Variants in PCDH15 observed in about 807,000 individuals in gnomAD.
PCDH15 encodes the protein protocadherin-15.
Under a neutral mutation model 178.5 loss-of-function variants are expected in PCDH15, and 129 were observed. That is an observed-to-expected ratio of 0.72 (90% CI 0.63 to 0.84). The LOEUF (loss-of-function observed/expected upper bound fraction) is 0.84. Ranked by LOEUF, PCDH15 falls within the 40% of genes least tolerant of loss-of-function variation. PCDH15 has a pLI of 0.00. For missense variants in PCDH15, 2,230 were observed against 2,099.9 expected (o/e 1.06, Z -1.21); for synonymous variants, 800 against 732.0 (o/e 1.09, Z -1.50).
intron 26 of PCDH15, among the ~76,000 whole-genome samples, chr10:53,876,020 A>C (rs2080201514): frequency 6.6e-6 from 1 of 152,160 alleles, no homozygotes; most frequent in African/African-American, 2.4e-5. Context: ...ACGGTATTGA[A>C]GGCTCACTTA....
rs1277903998 is a variant in PCDH15, at chr10:54,733,041, A to G, written c.-29+67884T>C. ...AACCTGATAGAGTTTGTCTACGAAA[A>G]CGTACAGCTAACATTATAATGGCGA... is the stretch of plus-strand genomic sequence containing the variant. On this transcript the variant is annotated intron_variant, in intron 1 of 37. Coordinates refer to ENST00000644397, the MANE Select transcript of PCDH15 (RefSeq NM_001384140.1). Among the ~76,000 whole-genome samples, 3 of 151,578 alleles carry G rather than the reference A, an allele frequency of 2.0e-5. No individual in the cohort carries two copies. In the Admixed American group the frequency reaches 2.0e-4, roughly 10 times the overall value.
At chr10:54,231,354 C>A (rs4542313) in intron 9 of PCDH15, among the ~76,000 whole-genome samples, 89,428 of 152,130 alleles carry the variant, frequency 0.59, 28,441 homozygotes, top group Middle Eastern at 0.72. Flanking sequence ...ACACAGAGGG[C>A]AATGGTTGAG....
chr10:54,296,093 C>T (rs1257050217), intron 8 of PCDH15, among the ~76,000 whole-genome samples: 18 of 136,092 alleles, frequency 1.3e-4, no homozygotes, highest in African/African-American at 4.6e-4. Flanking sequence ...TGCAGGGAGC[C>T]GAGATCCCGC....
intron 8 of PCDH15, among the ~76,000 whole-genome samples, chr10:54,261,538 G>T (rs1247032606): frequency 5.9e-5 from 9 of 152,044 alleles, no homozygotes; most frequent in African/African-American, 2.2e-4. Context: ...TGGGTGTAGT[G>T]GATGCAAGTA....
intron 2 of PCDH15, among the ~76,000 whole-genome samples, chr10:55,137,641 T>A (rs1838233103): frequency 6.6e-6 from 1 of 151,940 alleles, no homozygotes; most frequent in African/African-American, 2.4e-5. Context: ...TTGAAACAGG[T>A]CAAATATTGT....
intron 3 of PCDH15, among the ~76,000 whole-genome samples, chr10:54,474,644 G>A (rs1589604032): frequency 6.6e-6 from 1 of 151,942 alleles, no homozygotes; most frequent in African/African-American, 2.4e-5. Context: ...GTTAATGGAC[G>A]AAGTATAATC....
chr10:55,248,158 T>C (rs1259393611), intron 1 of PCDH15, among the ~76,000 whole-genome samples: 1 of 151,774 alleles, frequency 6.6e-6, no homozygotes, highest in Non-Finnish European at 1.5e-5. Context: ...ATTTTTTACA[T>C]AGAGGTAGAA....
chr10:55,290,809 T>TA (rs1260191718), intron 1 of PCDH15, among the ~76,000 whole-genome samples: 1 of 151,568 alleles, frequency 6.6e-6, no homozygotes, highest in Non-Finnish European at 1.5e-5. Context: ...TAATGGGAAA[T>TA]AAAATTAGAA....
At chr10:55,089,285 G>T (rs980799084) in intron 2 of PCDH15, among the ~76,000 whole-genome samples, 1 of 152,132 alleles carries the variant, frequency 6.6e-6, no homozygotes, top group Non-Finnish European at 1.5e-5. Flanking sequence ...AAGGGTAAAA[G>T]AAGCAGTCAC....
intron 2 of PCDH15, among the ~76,000 whole-genome samples, chr10:55,510,818 T>TTATATA (rs888448229): frequency 1.3e-5 from 2 of 149,526 alleles, no homozygotes; most frequent in African/African-American, 4.9e-5. Flanking sequence ...TTCATTTATT[T>TTATATA]TATATATATA....
intron 3 of PCDH15, among the ~76,000 whole-genome samples, chr10:54,453,274 G>A (rs1032330820): frequency 8.5e-5 from 13 of 152,100 alleles, no homozygotes; most frequent in Non-Finnish European, 1.8e-4. Flanking sequence ...AACAATGATA[G>A]ACTGGATGAA....
intron 2 of PCDH15, among the ~76,000 whole-genome samples, chr10:55,088,042 A>C (rs1468909994): frequency 6.6e-6 from 1 of 152,106 alleles, no homozygotes; most frequent in African/African-American, 2.4e-5. Flanking sequence ...TACACGATTA[A>C]ATGCTTTATG....
chr10:54,515,987 A>T (rs2082172597), intron 3 of PCDH15, among the ~76,000 whole-genome samples: 1 of 152,180 alleles, frequency 6.6e-6, no homozygotes, highest in South Asian at 2.1e-4. Context: ...CACACCAAAA[A>T]TCCATCCGTA....
chr10:55,343,536 C>T (rs1483714311), intron 2 of PCDH15, among the ~76,000 whole-genome samples: 1 of 151,554 alleles, frequency 6.6e-6, no homozygotes, highest in Non-Finnish European at 1.5e-5. Flanking sequence ...CATAATCTTC[C>T]TTTTCCCCCC....
chr10:54,699,686 T>C (rs2095282030), intron 1 of PCDH15, among the ~76,000 whole-genome samples: 1 of 152,046 alleles, frequency 6.6e-6, no homozygotes, highest in African/African-American at 2.4e-5. Flanking sequence ...TAATTTTACC[T>C]AATATTCCTT....
Position 54,317,323 on chromosome 10 carries a change from C to A in PCDH15, c.824G>T (p.Arg275Leu). The change falls in exon 8 of 38, where the codon CGT becomes CTT. Residue 275 changes from arginine to leucine, a missense_variant. Coordinates refer to ENST00000644397, the MANE Select transcript of PCDH15 (RefSeq NM_001384140.1). ...FLPCVLVPNT[R>L]DCRPLTYQAA... is the part of the protein sequence containing the mutation. ...TTGATAAGTGAGTGGACGGCAATCACGAGTGTTTGGCACAAGGACACAAGG... is the reference window on the plus strand; with the variant it reads ...TTGATAAGTGAGTGGACGGCAATCAAGAGTGTTTGGCACAAGGACACAAGG... 1 of 1,613,926 alleles carries A rather than the reference C, an allele frequency of 6.2e-7. No homozygotes were observed. Among genetic ancestry groups the A allele is most frequent in the Non-Finnish European group, 8.5e-7 (1 of 1,179,912 alleles).
At chr10:54,201,311 T>C (rs2050208428) in intron 10 of PCDH15, among the ~76,000 whole-genome samples, 1 of 152,150 alleles carries the variant, frequency 6.6e-6, no homozygotes, top group South Asian at 2.1e-4. Context: ...TATGGTCTTA[T>C]CCTACTGAAG....
intron 2 of PCDH15, among the ~76,000 whole-genome samples, chr10:55,086,507 G>A (rs1000602348): frequency 2.0e-5 from 3 of 151,940 alleles, no homozygotes; most frequent in African/African-American, 7.2e-5. Flanking sequence ...GTTAGCCTAT[G>A]CCCCAGTCTA....
chr10:54,137,135 A>G (rs1208327561), intron 14 of PCDH15, among the ~76,000 whole-genome samples: 1 of 152,222 alleles, frequency 6.6e-6, no homozygotes, highest in African/African-American at 2.4e-5. Flanking sequence ...TAGTATTTCA[A>G]CAGCATCATT....
Sources: gnomAD v4.1 joint callset for allele counts (sites outside exome capture counted in the v4.1 genomes callset) on GRCh38, gnomAD v4.1.1 for gene constraint, MANE v1.5 for transcripts, NCBI Gene and HGNC (gene_info 2026-07-23, HGNC 2026-07-21) for gene names.